The following PRKG1 variants were observed in gnomAD, a reference collection of about 807,000 sequenced individuals.
PRKG1 encodes the protein protein kinase cGMP-dependent 1, also known as cGMP-dependent protein kinase 1.
In PRKG1, 35 loss-of-function variants were observed where a neutral mutation model predicts 88.1. That is an observed-to-expected ratio of 0.40 (90% CI 0.30 to 0.53). The LOEUF (loss-of-function observed/expected upper bound fraction) is 0.53, where lower values mean the gene tolerates loss of function less well. Ranked by LOEUF, PRKG1 falls within the 20% of genes least tolerant of loss-of-function variation. The pLI, the probability that PRKG1 is intolerant of heterozygous loss-of-function variation, is 0.59. For synonymous variants in PRKG1, 303 were observed against 292.5 expected (o/e 1.04, Z -0.37); for missense variants, 540 against 839.8 (o/e 0.64, Z 4.41).
chr10:51,718,837 CAA>C (rs111373816), intron 3 of PRKG1, among the ~76,000 whole-genome samples: 22 of 136,632 alleles, frequency 1.6e-4, no homozygotes, highest in Non-Finnish European at 1.5e-4. Flanking sequence ...TTAATGAGTG[CAA>C]AAAAAAAAAA....
At chr10:51,796,442 T>G (rs778605053) in intron 3 of PRKG1, among the ~76,000 whole-genome samples, 8 of 152,120 alleles carry the variant, frequency 5.3e-5, no homozygotes, top group Non-Finnish European at 1.2e-4. Context: ...TTCTAAATCT[T>G]GTGTGTAACT....
intron 2 of PRKG1, among the ~76,000 whole-genome samples, chr10:51,430,627 A>C (rs1447833465): frequency 6.6e-6 from 1 of 152,198 alleles, no homozygotes; most frequent in African/African-American, 2.4e-5. Context: ...ATAAAAACAT[A>C]TGTCCATATA....
Position 51,407,784 on chromosome 10 carries a change from C to G in PRKG1, c.479-59939C>G, listed in dbSNP as rs147909142. Reference sequence around the variant, plus strand: ...AGGGCATGGTAACACTAAGAGACACCCTAATGGATCTCTTGTATTCCATGC... The same window carrying G: ...AGGGCATGGTAACACTAAGAGACACGCTAATGGATCTCTTGTATTCCATGC... On this transcript the variant is annotated intron_variant, in intron 2 of 17. Transcript: ENST00000373980. Among the ~76,000 whole-genome samples the G allele has an allele frequency of 6.2e-3, 944 of 152,260 alleles. 7 individuals are homozygous for G. The highest frequency in any genetic ancestry group is 0.021 in the African/African-American group (883 of 41,544).
chr10:51,929,188 A>C (rs976660539), intron 5 of PRKG1, among the ~76,000 whole-genome samples: 8 of 152,144 alleles, frequency 5.3e-5, no homozygotes, highest in Non-Finnish European at 1.0e-4. Flanking sequence ...TCAATGGATC[A>C]AGAAGGAGTT....
At chr10:51,216,209 A>G (rs377703382) in intron 2 of PRKG1, among the ~76,000 whole-genome samples, 11 of 152,220 alleles carry the variant, frequency 7.2e-5, no homozygotes, top group Non-Finnish European at 1.6e-4. Context: ...GTAGCAGAGG[A>G]TGGAAGTCTG....
At chr10:51,564,380 AGT>A (rs1429506238) in intron 3 of PRKG1, among the ~76,000 whole-genome samples, 1 of 152,120 alleles carries the variant, frequency 6.6e-6, no homozygotes, top group Non-Finnish European at 1.5e-5. Context: ...GTTTGGGGGC[AGT>A]GGTTAAGATT....
At chr10:51,144,165 T>A (rs1243718283) in intron 1 of PRKG1, among the ~76,000 whole-genome samples, 1 of 152,066 alleles carries the variant, frequency 6.6e-6, no homozygotes, top group Non-Finnish European at 1.5e-5. Flanking sequence ...GAGATAAGGG[T>A]CTAATTTCAT....
chr10:51,872,466 G>T (rs1004537381), intron 4 of PRKG1, among the ~76,000 whole-genome samples: 12 of 152,110 alleles, frequency 7.9e-5, no homozygotes, highest in Admixed American at 2.0e-4. Context: ...TTTTGGCTCT[G>T]TGCATTCAGT....
chr10:51,656,591 C>G (rs918872811), intron 3 of PRKG1, among the ~76,000 whole-genome samples: 1 of 152,106 alleles, frequency 6.6e-6, no homozygotes, highest in Non-Finnish European at 1.5e-5. Context: ...TCTTAGTCCT[C>G]GCCTTGGCTA....
rs866206655 is a variant in PRKG1 at position 51,067,276 on chromosome 10, A to G, written c.266+75632A>G. Among the ~76,000 whole-genome samples, 1,167 of 146,588 alleles carry G rather than the reference A, an allele frequency of 8.0e-3. 13 individuals are homozygous for G. Among genetic ancestry groups the G allele is most frequent in the African/African-American group, 0.026 (1,067 of 40,812 alleles). Reference sequence around the variant, plus strand: ...TGTGTTTGTATGTATGTGTGTATATATATATATATATATATATGTTATTTG... The same window carrying G: ...TGTGTTTGTATGTATGTGTGTATATGTATATATATATATATATGTTATTTG... On this transcript the variant is annotated intron_variant, in intron 1 of 17. Transcript: ENST00000401604.
In PRKG1 at chr10:51,466,755, C is replaced by G. The variant is rs563347601; in HGVS notation, c.479-968C>G. Among the ~76,000 whole-genome samples, 3 of 152,020 alleles carry G rather than the reference C, an allele frequency of 2.0e-5. No homozygotes were observed. In the South Asian group the frequency reaches 6.2e-4, roughly 32 times the overall value. On this transcript the variant is annotated intron_variant, in intron 2 of 17. Coordinates refer to ENST00000373980, the MANE Select transcript of PRKG1 (RefSeq NM_006258.4). ...TGCAGGTAGCACACAAATAAAGGAA[C>G]AATTATGAAATCAAAGTATAAAGGC... is the stretch of plus-strand genomic sequence containing the variant.
intron 5 of PRKG1, among the ~76,000 whole-genome samples, chr10:52,015,379 G>A (rs185589985): frequency 5.9e-5 from 9 of 152,272 alleles, no homozygotes; most frequent in Admixed American, 5.2e-4. Flanking sequence ...GCTAGATTTG[G>A]AGCAGCTGGG....
intron 4 of PRKG1, among the ~76,000 whole-genome samples, chr10:51,847,758 C>T (rs371350605): frequency 2.1e-4 from 30 of 142,252 alleles, no homozygotes; most frequent in South Asian, 2.0e-3. Flanking sequence ...TGCCTGTAGT[C>T]CCAGTGGCCA....
chr10:52,058,249 T>C (rs946542426), intron 6 of PRKG1, among the ~76,000 whole-genome samples: 5 of 152,114 alleles, frequency 3.3e-5, no homozygotes, highest in Non-Finnish European at 5.9e-5. Context: ...AGTAGCCACA[T>C]TGCAATAGCT....
intron 5 of PRKG1, among the ~76,000 whole-genome samples, chr10:51,924,680 C>A (rs1224471268): frequency 6.7e-6 from 1 of 149,130 alleles, no homozygotes; most frequent in African/African-American, 2.5e-5. Context: ...GTATATGTTG[C>A]ATCTTTTGGA....
chr10:51,259,983 T>C (rs1367495838), intron 2 of PRKG1, among the ~76,000 whole-genome samples: 1 of 152,232 alleles, frequency 6.6e-6, no homozygotes, highest in Non-Finnish European at 1.5e-5. Flanking sequence ...ATATAGTACA[T>C]TTCTGTACAT....
At chr10:51,118,637 A>G (rs1162704684) in intron 1 of PRKG1, among the ~76,000 whole-genome samples, 1 of 152,144 alleles carries the variant, frequency 6.6e-6, no homozygotes, top group Non-Finnish European at 1.5e-5. Context: ...AGTTTTTCGA[A>G]TGAGTACTTC....
At chr10:52,245,081 G>C (rs578119811) in intron 9 of PRKG1, among the ~76,000 whole-genome samples, 1 of 150,694 alleles carries the variant, frequency 6.6e-6, no homozygotes, top group East Asian at 1.9e-4. Context: ...TATTAAATCA[G>C]GAACAATTAT....
intron 5 of PRKG1, among the ~76,000 whole-genome samples, chr10:51,998,543 GC>G (rs1844512569): frequency 6.6e-6 from 1 of 152,046 alleles, no homozygotes; most frequent in African/African-American, 2.4e-5. Context: ...GTTTCCAACA[GC>G]CTGTTTTTTC....
Sources: allele counts gnomAD v4.1 joint callset (sites outside exome capture counted in the v4.1 genomes callset), GRCh38; gene constraint gnomAD v4.1.1; transcripts MANE v1.5; gene names NCBI Gene and HGNC (gene_info 2026-07-23, HGNC 2026-07-21).